The following PARN variants were observed in gnomAD, a reference collection of about 807,000 sequenced individuals.
PARN encodes poly(A)-specific ribonuclease, also known as poly(A)-specific ribonuclease PARN.
PARN carries 71 observed loss-of-function variants against 102.8 expected under a neutral mutation model. The observed-to-expected ratio is 0.69, with a 90% confidence interval of 0.57 to 0.84. The LOEUF is 0.84. Ranked by LOEUF, PARN falls within the 40% of genes least tolerant of loss-of-function variation. The probability of loss-of-function intolerance (pLI) is 0.00; values close to 1 mark genes in which losing one functional copy is unlikely to be tolerated. For missense variants in PARN, 782 were observed against 760.9 expected, an observed-to-expected ratio of 1.03 and a Z score of -0.33; for synonymous variants, 261 against 252.9, an observed-to-expected ratio of 1.03 and a Z score of -0.30.
At chr16:14,553,014 T>A (rs1336620444) in intron 20 of PARN, among the ~76,000 whole-genome samples, 1 of 151,882 alleles carries the variant, frequency 6.6e-6, no homozygotes, top group Non-Finnish European at 1.5e-5. Context: ...TAACGTTCGT[T>A]CTGACTTATT....
intron 18 of PARN, among the ~76,000 whole-genome samples, chr16:14,557,482 T>C (rs544579891): frequency 6.9e-6 from 1 of 145,624 alleles, no homozygotes; most frequent in Non-Finnish European, 1.5e-5. Context: ...GCTTGAACCA[T>C]GGAGGCGGAG....
chr16:14,446,834 T>C (rs1160473296), intron 23 of PARN, 54 bp downstream of exon 23: 1 of 1,313,784 alleles, frequency 7.6e-7, no homozygotes, highest in African/African-American at 1.5e-5. Context: ...TAGGAGTTTC[T>C]AGAGCATTTA....
chr16:14,458,273 C>A (rs1287273303), intron 22 of PARN, among the ~76,000 whole-genome samples: 1 of 152,092 alleles, frequency 6.6e-6, no homozygotes, highest in Non-Finnish European at 1.5e-5. Context: ...AGGCTAGGAT[C>A]AAATTTACTT....
chr16:14,473,891 A>G (rs553441641), intron 22 of PARN, among the ~76,000 whole-genome samples: 46 of 152,342 alleles, frequency 3.0e-4, no homozygotes, highest in African/African-American at 1.1e-3. Context: ...CAGTGCTAGT[A>G]GTTTCCAACC....
At chr16:14,567,991 C>T (rs1367246519) in intron 18 of PARN, among the ~76,000 whole-genome samples, 1 of 152,084 alleles carries the variant, frequency 6.6e-6, no homozygotes, top group Admixed American at 6.5e-5. Context: ...GTTGGCATCA[C>T]GTATGTGGGC....
intron 22 of PARN, among the ~76,000 whole-genome samples, chr16:14,480,939 A>AT (rs1963344641): frequency 1.4e-5 from 2 of 147,014 alleles, no homozygotes; most frequent in Admixed American, 1.4e-4. Flanking sequence ...ACCTGCCTCA[A>AT]AAAATAAATA....
chr16:14,615,561 G>C (rs555844467), intron 6 of PARN, among the ~76,000 whole-genome samples: 1 of 152,148 alleles, frequency 6.6e-6, no homozygotes, highest in Non-Finnish European at 1.5e-5. Context: ...TACCTCCGAA[G>C]ATCAAAATCA....
At chr16:14,477,023 A>G (rs770424204) in intron 22 of PARN, among the ~76,000 whole-genome samples, 1 of 152,252 alleles carries the variant, frequency 6.6e-6, no homozygotes, top group Non-Finnish European at 1.5e-5. Context: ...TTCAATATAA[A>G]TGGCAGAGAT....
intron 22 of PARN, among the ~76,000 whole-genome samples, chr16:14,462,032 C>T (rs1271703866): frequency 6.6e-6 from 1 of 152,178 alleles, no homozygotes; most frequent in Non-Finnish European, 1.5e-5. Flanking sequence ...TCACAGTTAA[C>T]ACATCGTAGT....
intron 21 of PARN, among the ~76,000 whole-genome samples, chr16:14,498,559 C>T (rs1008653864): frequency 3.9e-5 from 6 of 152,242 alleles, no homozygotes; most frequent in African/African-American, 7.2e-5. Flanking sequence ...CTCCAGGACA[C>T]ATCATACACG....
chr16:14,447,386 G>C (rs887278696), intron 22 of PARN, among the ~76,000 whole-genome samples: 1 of 152,148 alleles, frequency 6.6e-6, no homozygotes, highest in African/African-American at 2.4e-5. Flanking sequence ...TAAAACTATT[G>C]TAACAGAATA....
chr16:14,551,500 C>T (rs559283911), intron 21 of PARN, among the ~76,000 whole-genome samples: 1 of 152,062 alleles, frequency 6.6e-6, no homozygotes, highest in South Asian at 2.1e-4. Context: ...ACCCGAGAAC[C>T]AGAGGTTGCA....
At chr16:14,613,232 C>A (rs1368546106) in intron 6 of PARN, among the ~76,000 whole-genome samples, 1 of 150,606 alleles carries the variant, frequency 6.6e-6, no homozygotes, top group Non-Finnish European at 1.5e-5. Context: ...TCGCTTGAAC[C>A]TGGGAGGCAG....
chr16:14,552,160 G>T, intron 20 of PARN, 65 bp from the exon 21 acceptor site: 1 of 948,052 alleles, frequency 1.1e-6, no homozygotes. Flanking sequence ...GATTTAATGC[G>T]CGTATCTTAC....
intron 21 of PARN, among the ~76,000 whole-genome samples, chr16:14,545,184 A>C (rs941131544): frequency 6.6e-6 from 1 of 152,212 alleles, no homozygotes; most frequent in African/African-American, 2.4e-5. Context: ...TGTCTCAAAG[A>C]AAAACATCAA....
chr16:14,451,869 C>CAAAAAAAAAAAAAAAA (rs869041563), intron 22 of PARN, among the ~76,000 whole-genome samples: 24 of 52,502 alleles, frequency 4.6e-4, no homozygotes, highest in East Asian at 2.0e-3. Flanking sequence ...AAAAAAAATA[C>CAAAAAAAAAAAAAAAA]AAAAAAAAAA....
intron 18 of PARN, among the ~76,000 whole-genome samples, chr16:14,571,349 T>C (rs921825945): frequency 4.7e-5 from 7 of 148,168 alleles, no homozygotes; most frequent in African/African-American, 1.7e-4. Context: ...CAGAGCAAGA[T>C]TCCAACTCAA....
intron 22 of PARN, among the ~76,000 whole-genome samples, chr16:14,452,079 C>G (rs1026095750): frequency 4.0e-5 from 6 of 151,724 alleles, no homozygotes; most frequent in African/African-American, 1.5e-4. Flanking sequence ...ACAACAACCA[C>G]TTCATATCTC....
At chr16:14,553,322 T>G (rs1967448106) in intron 20 of PARN, among the ~76,000 whole-genome samples, 1 of 151,544 alleles carries the variant, frequency 6.6e-6, no homozygotes, top group African/African-American at 2.4e-5. Flanking sequence ...GAAAGCCTAC[T>G]TCGTATCTGC....
Sources: gnomAD v4.1 joint callset for allele counts (sites outside exome capture counted in the v4.1 genomes callset) on GRCh38, gnomAD v4.1.1 for gene constraint, MANE v1.5 for transcripts, NCBI Gene and HGNC (gene_info 2026-07-23, HGNC 2026-07-21) for gene names.